EPAS1: variants seen among roughly 807,000 people sequenced by gnomAD.
EPAS1 encodes the protein endothelial PAS domain-containing protein 1.
A neutral mutation model predicts 87.9 loss-of-function variants in EPAS1; 23 were observed. The observed-to-expected ratio is 0.26, with a 90% CI of 0.19 to 0.37. The LOEUF (loss-of-function observed/expected upper bound fraction) is 0.37, where lower values mean the gene tolerates loss of function less well. Ranked by LOEUF, EPAS1 falls within the 10% of genes least tolerant of loss-of-function variation. The probability of loss-of-function intolerance (pLI) is 1.00; values close to 1 mark genes in which losing one functional copy is unlikely to be tolerated. For synonymous variants in EPAS1, 508 were observed against 444.3 expected (o/e 1.14, Z -1.80); for missense variants, 1,138 against 1,120.7 (o/e 1.02, Z -0.22).
At position 46,356,243 on chromosome 2, in the gene EPAS1, C is replaced by A. The variant is rs1380732301; in HGVS notation, c.310C>A (p.Gln104Lys). The A allele has an allele frequency of 1.9e-6, 3 of 1,613,964 alleles. No homozygotes were observed. The highest frequency in any genetic ancestry group is 2.5e-6 in the Non-Finnish European group (3 of 1,179,948). The change falls in exon 3 of 16, where the codon CAA (glutamine) becomes AAA (lysine). Residue 104 changes from glutamine (Q) to lysine (K), a missense_variant. This residue lies in a region of EPAS1 where 351 missense variants were observed against 417.1 expected (regional missense o/e 0.84). Transcript: ENST00000263734. Reference protein sequence around the residue: ...ALEGFIAVVTQDGDMIFLSEN... With the variant: ...ALEGFIAVVTKDGDMIFLSEN... ...GGAGGGTTTCATTGCCGTGGTGACC[C>A]AAGATGGCGACATGATCTTTCTGTC...
intron 1 of EPAS1, among the ~76,000 whole-genome samples, chr2:46,323,472 C>T (rs950032050): frequency 3.3e-5 from 5 of 152,176 alleles, no homozygotes; most frequent in East Asian, 1.9e-4. Context: ...TAGCAAGGCC[C>T]GTGGGCAGTA....
At chr2:46,327,981 T>G (rs1320408348) in intron 1 of EPAS1, among the ~76,000 whole-genome samples, 1 of 152,194 alleles carries the variant, frequency 6.6e-6, no homozygotes, top group African/African-American at 2.4e-5. Context: ...CCGGGGGGGC[T>G]ACACGTACTC....
Position 46,380,342 on chromosome 2 carries a change from A to G in EPAS1, c.1670A>G (p.Gln557Arg), listed in dbSNP as rs1276996001. 1 of 1,614,106 alleles carries G rather than the reference A, an allele frequency of 6.2e-7. No homozygotes were observed. The highest frequency in any genetic ancestry group is 2.2e-5 in the East Asian group (1 of 44,880). Residue 557 changes from glutamine to arginine, a missense_variant, in exon 12 of 16, where the codon CAG (glutamine) becomes CGG (arginine). Physicochemically the swap from Gln to Arg is conservative, Grantham distance 43. Around this residue, in one of 4 missense-constraint regions of EPAS1, gnomAD observed 502 missense variants for 427.1 expected, o/e 1.18. Transcript: ENST00000263734. The surrounding 1 kb of genome is among the most constrained non-coding windows in gnomAD (Gnocchi z 4.4). Reference sequence around the variant, plus strand: ...GAGCGGCTCTTGGCGGAGAACCCACAGTCCACCCCCCAGCACTGCTTCAGT... The same window carrying G: ...GAGCGGCTCTTGGCGGAGAACCCACGGTCCACCCCCCAGCACTGCTTCAGT... ...PEERLLAENP[Q>R]STPQHCFSAM...
At chr2:46,379,809 G>A (rs1309191625) in intron 11 of EPAS1, 1 of 268,192 alleles carries the variant, frequency 3.7e-6, no homozygotes, top group Non-Finnish European at 7.3e-6. Flanking sequence ...CAGCTTACAG[G>A]AGGGAGAAGA....
intron 1 of EPAS1, among the ~76,000 whole-genome samples, chr2:46,310,723 A>AG (rs1683193193): frequency 6.6e-6 from 1 of 152,246 alleles, no homozygotes; most frequent in Non-Finnish European, 1.5e-5. Context: ...AGAGATCCCA[A>AG]GTCACTGGAG....
At position 46,300,784 on chromosome 2, in the gene EPAS1, G is replaced by T. The variant is rs544522591; in HGVS notation, c.26+2847G>T. Among the ~76,000 whole-genome samples the T allele has an allele frequency of 9.2e-5, 14 of 152,314 alleles. No individual in the cohort carries two copies. The South Asian group carries it at 2.9e-3, about 32-fold the overall frequency. ...AGACCTAGGTCCAGACACCTTCCCA[G>T]AGTGCTTATACAGTAGTGCTCAGTA... On this transcript the variant is annotated intron_variant, in intron 1 of 15. Transcript: ENST00000263734. The surrounding 1 kb of genome is among the most constrained non-coding windows in gnomAD (Gnocchi z 4.1).
rs747407742 is a variant in EPAS1, at chr2:46,376,525, T to A, written c.1035-14T>A. 12 of 1,613,436 alleles carry A rather than the reference T, an allele frequency of 7.4e-6. No individual in the cohort carries two copies. In the East Asian group the frequency reaches 2.4e-4, roughly 33 times the overall value. On this transcript the variant is annotated splice_polypyrimidine_tract_variant and intron_variant, in intron 8 of 15. Coordinates refer to ENST00000263734, the MANE Select transcript of EPAS1 (RefSeq NM_001430.5). ...AAATGTGGAAAGTCTGAATGGCTCTTTCCCCCCCATTAGTGAGATTGAGAA... is the reference window on the plus strand; with the variant it reads ...AAATGTGGAAAGTCTGAATGGCTCTATCCCCCCCATTAGTGAGATTGAGAA...
intron 2 of EPAS1, among the ~76,000 whole-genome samples, chr2:46,353,984 C>T (rs1293131972): frequency 6.6e-6 from 1 of 152,244 alleles, no homozygotes; most frequent in African/African-American, 2.4e-5. Flanking sequence ...CAAAAGGCAT[C>T]TGTGACTCTG....
chr2:46,381,192 T>TGA, intron 12 of EPAS1: 1 of 363,268 alleles, frequency 2.8e-6, no homozygotes, highest in Non-Finnish European at 5.3e-6. Flanking sequence ...TTTCACCAGC[T>TGA]GCGAGCTCAC....
At chr2:46,335,939 G>T (rs541275932) in intron 1 of EPAS1, 2 of 152,174 alleles carry the variant, frequency 1.3e-5, no homozygotes, top group African/African-American at 4.8e-5. Context: ...TGGCTCACTC[G>T]GCCTCTGTCC....
At position 46,386,007 on chromosome 2, in the gene EPAS1, C is replaced by G. The variant is rs1205408407; in HGVS notation, c.*1347C>G. The G allele has an allele frequency of 6.5e-6, 1 of 152,692 alleles. No homozygotes were observed. The highest frequency in any genetic ancestry group is 1.5e-5 in the Non-Finnish European group (1 of 68,094). 9.5% of individuals were successfully genotyped at this position (152,692 alleles called of 1,614,324 possible). On this transcript the variant is annotated 3_prime_UTR_variant, in exon 16 of 16. Transcript: ENST00000263734. ...AGGAGGCTGCACAGCGGGAGAGCAG[C>G]TGGTCCAGACCAGCCCTGCAGCCCC...
chr2:46,341,228 C>T (rs531183317), intron 1 of EPAS1, among the ~76,000 whole-genome samples: 1 of 152,322 alleles, frequency 6.6e-6, no homozygotes, highest in Admixed American at 6.5e-5. Flanking sequence ...GTGGCAAAGT[C>T]TTATCTTTTG....
At position 46,381,741 on chromosome 2, in the gene EPAS1, C is replaced by T. The variant is rs1007456591; in HGVS notation, c.2172+19C>T. 4 of 1,613,428 alleles carry T rather than the reference C, an allele frequency of 2.5e-6. No homozygotes were observed. The highest frequency in any genetic ancestry group is 2.5e-6 in the Non-Finnish European group (3 of 1,179,986). ...GAGCGGGGTGAGTCATCCCCACTGG[C>T]CACAGGGGCCTCTCCATAGCCCTTA... On this transcript the variant is annotated intron_variant, in intron 13 of 15. Coordinates refer to ENST00000263734, the MANE Select transcript of EPAS1 (RefSeq NM_001430.5).
At chr2:46,331,666 G>A (rs1320890656) in intron 1 of EPAS1, among the ~76,000 whole-genome samples, 1 of 152,190 alleles carries the variant, frequency 6.6e-6, no homozygotes, top group African/African-American at 2.4e-5. Context: ...CGGAGAGACA[G>A]AAAAGACCAC....
intron 2 of EPAS1, among the ~76,000 whole-genome samples, chr2:46,353,734 CA>C (rs1684215259): frequency 6.6e-6 from 1 of 152,232 alleles, no homozygotes; most frequent in Non-Finnish European, 1.5e-5. Flanking sequence ...GGTGTATCAG[CA>C]GAAACCCCAA....
rs1236417414 is a variant in EPAS1, at chr2:46,360,619, C to G, written c.455-19C>G. On this transcript the variant is annotated intron_variant, in intron 4 of 15. Transcript: ENST00000263734. This position sits in a 1 kb window ranked among gnomAD's most constrained non-coding sequence, Gnocchi z 4.5. ...ATAAAACTGACTTCAGCTGGTTCTT[C>G]CCATCCTTCCACATCCAGGCTCTGG... is the stretch of plus-strand genomic sequence containing the variant. 6 of 1,608,602 alleles carry G rather than the reference C, an allele frequency of 3.7e-6. No individual in the cohort carries two copies. The highest frequency in any genetic ancestry group is 5.1e-6 in the Non-Finnish European group (6 of 1,175,210).
chr2:46,331,703 C>A (rs929815680), intron 1 of EPAS1, among the ~76,000 whole-genome samples: 54 of 152,292 alleles, frequency 3.5e-4, no homozygotes, highest in African/African-American at 1.3e-3. Context: ...GAAAAATGAA[C>A]CTTTTCTTTC....
chr2:46,360,666 C>G lies in EPAS1; in HGVS notation c.483C>G (p.Asp161Glu). 1 of 1,614,022 alleles carries G rather than the reference C, an allele frequency of 6.2e-7. No homozygotes were observed. Among genetic ancestry groups the G allele is most frequent in the Non-Finnish European group, 8.5e-7 (1 of 1,180,030 alleles). ...CTGGTTTTGGGAAAAAAAGCAAAGA[C>G]ATGTCCACAGAGCGGGACTTCTTCA... The part of the protein sequence containing the change: ...NGSGFGKKSK[D>E]MSTERDFFMR... The change falls in exon 5 of 16, where the codon GAC becomes GAG. Residue 161 changes from aspartate to glutamate, a missense_variant. Transcript: ENST00000263734. This position sits in a 1 kb window ranked among gnomAD's most constrained non-coding sequence, Gnocchi z 4.5.
rs553290472 is a variant in EPAS1, at chr2:46,333,946, C to T, written c.27-12927C>T. ...CACCAGAGCCAGAGGAGGCGTGTGC[C>T]CTGGGTGAAGTTTGTTTTTCATCCC... On this transcript the variant is annotated intron_variant, in intron 1 of 15. Transcript: ENST00000263734. 2.0e-5 allele frequency among the ~76,000 whole-genome samples: 3 copies of T among 152,044 alleles called. No homozygotes were observed. The East Asian group carries it at 5.8e-4, about 29-fold the overall frequency.
Sources: allele counts gnomAD v4.1 joint callset (sites outside exome capture counted in the v4.1 genomes callset), GRCh38; gene constraint gnomAD v4.1.1; regional missense constraint gnomAD v4.1.1; non-coding constraint Gnocchi (gnomAD v3.1); transcripts MANE v1.5; gene names NCBI Gene and HGNC (gene_info 2026-07-23, HGNC 2026-07-21).